Variants in CSMD1 observed in about 807,000 individuals in gnomAD.
CSMD1 encodes CUB and sushi domain-containing protein 1.
A neutral mutation model predicts 417.5 loss-of-function variants in CSMD1; 213 were observed. The observed-to-expected ratio is 0.51, with a 90% confidence interval of 0.46 to 0.57. The LOEUF (loss-of-function observed/expected upper bound fraction) is 0.57. Among genes scored for constraint, CSMD1 ranks in the 20% least tolerant of loss-of-function variants. The pLI is 0.00. For synonymous variants in CSMD1, 2,862 were observed against 1,736.8 expected (o/e 1.65, Z -16.11); for missense variants, 6,923 against 4,529.7 (o/e 1.53, Z -15.17).
chr8:4,018,529 T>C (rs1271585796), intron 4 of CSMD1, among the ~76,000 whole-genome samples: 1 of 152,168 alleles, frequency 6.6e-6, no homozygotes, highest in East Asian at 1.9e-4. Context: ...CTTCCCTCTC[T>C]CTGGGACCAG....
intron 6 of CSMD1, among the ~76,000 whole-genome samples, chr8:3,716,766 G>A (rs1003949370): frequency 6.6e-6 from 1 of 152,102 alleles, no homozygotes; most frequent in Admixed American, 6.6e-5. Context: ...AACGCCTCTT[G>A]ACAATATGGT....
At chr8:4,837,569 C>G (rs1282141895) in intron 1 of CSMD1, among the ~76,000 whole-genome samples, 1 of 152,010 alleles carries the variant, frequency 6.6e-6, no homozygotes, top group Non-Finnish European at 1.5e-5. Flanking sequence ...AACAATTAAG[C>G]TCATGAACAT....
chr8:3,960,361 C>A (rs369202870), intron 5 of CSMD1, among the ~76,000 whole-genome samples: 2 of 152,120 alleles, frequency 1.3e-5, no homozygotes, highest in African/African-American at 2.4e-5. Flanking sequence ...TTCCTCATCA[C>A]GCTACTACTT....
chr8:3,866,158 G>C (rs974433779), intron 5 of CSMD1, among the ~76,000 whole-genome samples: 2 of 152,146 alleles, frequency 1.3e-5, no homozygotes, highest in African/African-American at 4.8e-5. Flanking sequence ...TAACATTAAG[G>C]TTTTAATTCA....
intron 5 of CSMD1, among the ~76,000 whole-genome samples, chr8:3,987,885 T>A (rs1585086227): frequency 6.6e-6 from 1 of 152,206 alleles, no homozygotes; most frequent in African/African-American, 2.4e-5. Context: ...TTTGGCACAT[T>A]GCAACATCTT....
intron 2 of CSMD1, among the ~76,000 whole-genome samples, chr8:4,554,624 A>G (rs1487559695): frequency 2.0e-5 from 3 of 152,230 alleles, no homozygotes; most frequent in Non-Finnish European, 4.4e-5. Context: ...TGTTGATTTT[A>G]CCTTATTGCT....
intron 1 of CSMD1, among the ~76,000 whole-genome samples, chr8:4,883,612 T>C (rs540904308): frequency 6.6e-6 from 1 of 152,270 alleles, no homozygotes; most frequent in Non-Finnish European, 1.5e-5. Context: ...TTTCACTTAG[T>C]ATAATCTGTC....
rs905762102 is a variant in CSMD1, at chr8:3,912,732, C to G, written c.818+85171G>C. ...GATGGGATGAAATGTCCAAGATGAG[C>G]CTGAAGAGGCAGACTGCAGTCTGCT... On this transcript the variant is annotated intron_variant, in intron 5 of 69. Coordinates refer to ENST00000635120, the MANE Select transcript of CSMD1 (RefSeq NM_033225.6). 3.3e-5 allele frequency among the ~76,000 whole-genome samples: 5 copies of G among 152,092 alleles called. 1 individual carries two copies. In the South Asian group the frequency reaches 1.0e-3, roughly 32 times the overall value.
At chr8:4,800,323 C>G (rs1585119963) in intron 1 of CSMD1, among the ~76,000 whole-genome samples, 1 of 151,062 alleles carries the variant, frequency 6.6e-6, no homozygotes, top group South Asian at 2.1e-4. Flanking sequence ...CCCACCTACT[C>G]GTGAGGCTGA....
chr8:3,380,956 A>G (rs990275573), intron 18 of CSMD1, among the ~76,000 whole-genome samples: 1 of 152,160 alleles, frequency 6.6e-6, no homozygotes, highest in Non-Finnish European at 1.5e-5. Flanking sequence ...ATGCTCAAAG[A>G]AGAATTTGGG....
At chr8:3,098,674 A>G (rs750523277) in intron 46 of CSMD1, among the ~76,000 whole-genome samples, 2 of 152,190 alleles carry the variant, frequency 1.3e-5, no homozygotes, top group African/African-American at 2.4e-5. Context: ...CACGATGCCC[A>G]TTCAAAGTTA....
chr8:4,455,141 G>A (rs892987944), intron 2 of CSMD1, among the ~76,000 whole-genome samples: 2 of 152,092 alleles, frequency 1.3e-5, no homozygotes, highest in African/African-American at 4.8e-5. Flanking sequence ...AGAGGATTTG[G>A]ACAACAGCCA....
intron 1 of CSMD1, among the ~76,000 whole-genome samples, chr8:4,722,893 C>T (rs1809153559): frequency 6.6e-6 from 1 of 152,084 alleles, no homozygotes; most frequent in South Asian, 2.1e-4. Context: ...CTGTGAAATA[C>T]AAAGATCTTA....
At chr8:3,912,925 G>C (rs899870220) in intron 5 of CSMD1, among the ~76,000 whole-genome samples, 8 of 152,188 alleles carry the variant, frequency 5.3e-5, no homozygotes, top group African/African-American at 1.9e-4. Flanking sequence ...TGGTCATTCA[G>C]GTAAGAGAAC....
intron 3 of CSMD1, among the ~76,000 whole-genome samples, chr8:4,327,961 G>T (rs1280016539): frequency 6.6e-6 from 1 of 152,126 alleles, no homozygotes; most frequent in Non-Finnish European, 1.5e-5. Flanking sequence ...TCTAGAAGTT[G>T]AATGAAATTC....
intron 5 of CSMD1, among the ~76,000 whole-genome samples, chr8:3,869,581 C>G (rs1248675056): frequency 6.6e-6 from 1 of 152,144 alleles, no homozygotes; most frequent in African/African-American, 2.4e-5. Flanking sequence ...ATAAACCTAT[C>G]TATCAGATAT....
At chr8:3,056,080 T>C (rs943199819) in intron 49 of CSMD1, among the ~76,000 whole-genome samples, 1 of 152,234 alleles carries the variant, frequency 6.6e-6, no homozygotes, top group Non-Finnish European at 1.5e-5. Context: ...CATAAAATTT[T>C]TACTTATTTA....
At chr8:3,154,060 T>C (rs946923393) in intron 39 of CSMD1, among the ~76,000 whole-genome samples, 1 of 152,068 alleles carries the variant, frequency 6.6e-6, no homozygotes. Context: ...TCCGCCTCCC[T>C]GGTTCAAGTG....
intron 3 of CSMD1, among the ~76,000 whole-genome samples, chr8:4,333,267 C>G (rs548032517): frequency 6.6e-6 from 1 of 152,220 alleles, no homozygotes; most frequent in African/African-American, 2.4e-5. Flanking sequence ...AAAGCCAATC[C>G]TGACGCTAAG....
Sources: gnomAD v4.1 joint callset for allele counts (sites outside exome capture counted in the v4.1 genomes callset) on GRCh38, gnomAD v4.1.1 for gene constraint, MANE v1.5 for transcripts, NCBI Gene and HGNC (gene_info 2026-07-23, HGNC 2026-07-21) for gene names.